TOM1L1: variants seen among roughly 807,000 people sequenced by gnomAD.
TOM1L1 encodes the protein target of myb1 like 1 membrane trafficking protein, also known as TOM1-like protein 1.
TOM1L1 carries 64 observed loss-of-function variants against 63.4 expected under a neutral mutation model. The ratio of observed to expected loss-of-function variants is 1.01; its 90% CI spans 0.83 to 1.24. The LOEUF (loss-of-function observed/expected upper bound fraction) is 1.24, where lower values mean the gene tolerates loss of function less well. TOM1L1 is among the 50% of genes most tolerant of loss of function. TOM1L1 has a pLI of 0.00. For synonymous variants in TOM1L1, 166 were observed against 194.4 expected (o/e 0.85, Z 1.22); for missense variants, 536 against 567.0 (o/e 0.95, Z 0.55).
chr17:54,903,204 T>C (rs1026272115), intron 1 of TOM1L1, among the ~76,000 whole-genome samples: 3 of 152,342 alleles, frequency 2.0e-5, no homozygotes, highest in African/African-American at 7.2e-5. Flanking sequence ...GAGAATAAAT[T>C]ATTTTTAAAA....
rs918149775 is a variant in TOM1L1, at chr17:54,947,250, C to A, written c.1131-11C>A. On this transcript the variant is annotated splice_polypyrimidine_tract_variant and intron_variant, in intron 11 of 15. Coordinates refer to ENST00000575882, the MANE Select transcript of TOM1L1 (RefSeq NM_005486.3). ...GTAGGGTAATCATTCTGTGTTATCA[C>A]ACTATCCTAGGTTTGCCCAAAGGAC... The A allele has an allele frequency of 1.9e-6, 3 of 1,613,718 alleles. No individual in the cohort carries two copies. In the African/African-American group the frequency reaches 4.0e-5, roughly 22 times the overall value.
intron 14 of TOM1L1, chr17:54,952,684 G>C (rs2049297032): frequency 6.6e-6 from 1 of 151,932 alleles, no homozygotes; most frequent in Non-Finnish European, 1.5e-5. Flanking sequence ...ATTAATAACT[G>C]CACACTCTCC....
In TOM1L1 at chr17:54,961,324, T is replaced by A; in HGVS notation, c.*91T>A. 1 of 1,551,548 alleles carries A rather than the reference T, an allele frequency of 6.4e-7. No homozygotes were observed. On this transcript the variant is annotated 3_prime_UTR_variant, in exon 16 of 16. Transcript: ENST00000575882. Reference sequence around the variant, plus strand: ...TGCAGCTTTGAAGCCTGGAAGACAATACCTACCAACATGTCAAAGCCATGG... The same window carrying A: ...TGCAGCTTTGAAGCCTGGAAGACAAAACCTACCAACATGTCAAAGCCATGG...
At chr17:54,959,680 C>A (rs762826648) in intron 14 of TOM1L1, among the ~76,000 whole-genome samples, 1 of 150,270 alleles carries the variant, frequency 6.7e-6, no homozygotes, top group African/African-American at 2.5e-5. Context: ...TGCAGTGGCA[C>A]GATCTCAGCT....
chr17:54,941,976 A>AT (rs1194182845), intron 11 of TOM1L1, among the ~76,000 whole-genome samples: 1 of 152,124 alleles, frequency 6.6e-6, no homozygotes, highest in African/African-American at 2.4e-5. Context: ...TAATGTTGAG[A>AT]TTTTTTCCAT....
intron 3 of TOM1L1, 107 bp from the exon 4 acceptor site, chr17:54,912,559 G>A (rs72829469): frequency 0.19 from 178,362 of 923,708 alleles, 18,281 homozygotes; most frequent in African/African-American, 0.25. Flanking sequence ...AATTATGTTT[G>A]TTAATTAGGA....
At chr17:54,917,137 C>T (rs2048603946) in intron 7 of TOM1L1, 1 of 151,884 alleles carries the variant, frequency 6.6e-6, no homozygotes, top group South Asian at 2.1e-4. Context: ...GTTTGTTTAA[C>T]TTACTTATCT....
At chr17:54,937,551 G>T in intron 10 of TOM1L1, 1 of 247,730 alleles carries the variant, frequency 4.0e-6, no homozygotes. Flanking sequence ...ATTATCATTG[G>T]GTTTTTCTGC....
chr17:54,914,527 A>G (rs553924857), intron 5 of TOM1L1, 112 bp from the exon 6 acceptor site: 3 of 777,798 alleles, frequency 3.9e-6, no homozygotes, highest in African/African-American at 3.4e-5. Context: ...CTCTGGGCAG[A>G]TACCCTGTAC....
chr17:54,959,263 G>T (rs893197457), intron 14 of TOM1L1: 4 of 152,142 alleles, frequency 2.6e-5, no homozygotes, highest in African/African-American at 9.7e-5. Flanking sequence ...CTGTATATAT[G>T]AATGTTGTGC....
At chr17:54,955,276 G>A (rs1451474444) in intron 14 of TOM1L1, 1 of 152,250 alleles carries the variant, frequency 6.6e-6, no homozygotes, top group Non-Finnish European at 1.5e-5. Flanking sequence ...GAGATCTCAT[G>A]GAGACAATGA....
intron 14 of TOM1L1, chr17:54,953,352 C>G (rs898656650): frequency 2.6e-5 from 4 of 152,392 alleles, no homozygotes; most frequent in Non-Finnish European, 5.9e-5. Flanking sequence ...CTGGGTAACA[C>G]AGACCCTGTC....
chr17:54,930,400 T>C (rs2048839262), intron 8 of TOM1L1, 194 bp downstream of exon 8: 1 of 615,318 alleles, frequency 1.6e-6, no homozygotes, highest in Non-Finnish European at 2.6e-6. Flanking sequence ...TAGAGGTCTT[T>C]CTCCTAGTTA....
At position 54,913,645 on chromosome 17, in the gene TOM1L1, A is replaced by G. The variant is rs535601194; in HGVS notation, c.373-103A>G. On this transcript the variant is annotated intron_variant, in intron 4 of 15. Transcript: ENST00000575882. ...TGTGCCATTGCACTCCAGCCCGGGCAATAGTGTGAGACTCTGTCTCAAAAA... is the reference window on the plus strand; with the variant it reads ...TGTGCCATTGCACTCCAGCCCGGGCGATAGTGTGAGACTCTGTCTCAAAAA... 7.5e-5 allele frequency: 95 copies of G among 1,272,312 alleles called. No homozygotes were observed. The Middle Eastern group carries it at 1.6e-3, about 21-fold the overall frequency. 78.8% of individuals were successfully genotyped at this position (1,272,312 alleles called of 1,614,324 possible).
At chr17:54,901,572 C>T (rs180719222) in intron 1 of TOM1L1, among the ~76,000 whole-genome samples, 11 of 152,246 alleles carry the variant, frequency 7.2e-5, no homozygotes, top group African/African-American at 2.6e-4. Context: ...ATGTACCTTG[C>T]ATGATGTATG....
chr17:54,910,089 C>T (rs1185546657), intron 3 of TOM1L1, among the ~76,000 whole-genome samples: 2 of 152,164 alleles, frequency 1.3e-5, no homozygotes, highest in African/African-American at 4.8e-5. Context: ...CATGTTGACT[C>T]TTTGATTTTG....
In TOM1L1 at chr17:54,917,104, G is replaced by GAT. The variant is rs542306248; in HGVS notation, c.720+1247_720+1248dup. The GAT allele has an allele frequency of 4.0e-4, 61 of 152,234 alleles. No individual in the cohort carries two copies. In the East Asian group the frequency reaches 0.012, roughly 29 times the overall value. The allele number at this position is 152,234 out of a possible 1,614,324, so 9.4% of individuals were successfully genotyped here. On this transcript the variant is annotated intron_variant, in intron 7 of 15. Transcript: ENST00000575882. ...GAAATTGTACTGTTCCCTCTGAAGA[G>GAT]ATATATGTACATGTGTGCAGATGTT...
chr17:54,944,306 C>T (rs866831714), intron 11 of TOM1L1, among the ~76,000 whole-genome samples: 9 of 151,776 alleles, frequency 5.9e-5, no homozygotes, highest in Admixed American at 3.9e-4. Context: ...AAAAATTAGC[C>T]GGGCGTGGTG....
rs9889234 is a variant in TOM1L1 at position 54,921,201 on chromosome 17, G to C, written c.720+5339G>C. Among the ~76,000 whole-genome samples the C allele has an allele frequency of 2.3e-3, 354 of 152,158 alleles. 1 individual carries two copies. Among genetic ancestry groups the C allele is most frequent in the African/African-American group, 8.0e-3 (333 of 41,502 alleles). ...CTGCTTGAGTCTTTAGATCTTATTT[G>C]GTTTTGAGCCTTTGAGGATTTCTCA... On this transcript the variant is annotated intron_variant, in intron 7 of 15. Transcript: ENST00000575882.
Sources: gnomAD v4.1 joint callset for allele counts (sites outside exome capture counted in the v4.1 genomes callset) on GRCh38, gnomAD v4.1.1 for gene constraint, MANE v1.5 for transcripts, NCBI Gene and HGNC (gene_info 2026-07-23, HGNC 2026-07-21) for gene names.